Variants in FOCAD observed in about 807,000 individuals in gnomAD.
The protein encoded by FOCAD is focadhesin, also known as KIAA1797.
FOCAD carries 198 observed loss-of-function variants against 225.6 expected under a neutral mutation model. The ratio of observed to expected loss-of-function variants is 0.88; its 90% CI spans 0.78 to 0.99. The LOEUF (loss-of-function observed/expected upper bound fraction) is 0.99. Among genes scored for constraint, FOCAD ranks in the 50% least tolerant of loss-of-function variants. The pLI, the probability that FOCAD is intolerant of heterozygous loss-of-function variation, is 0.00. For missense variants in FOCAD, 2,713 were observed against 2,123.6 expected (o/e 1.28, Z -5.46); for synonymous variants, 897 against 755.0 (o/e 1.19, Z -3.08).
chr9:20,960,073 C>T (rs905404747), intron 35 of FOCAD, among the ~76,000 whole-genome samples: 2 of 152,230 alleles, frequency 1.3e-5, no homozygotes, highest in East Asian at 3.9e-4. Flanking sequence ...AATAGAAAAA[C>T]AATCTCATCT....
At chr9:20,919,027 G>T (rs1834129644) in intron 24 of FOCAD, among the ~76,000 whole-genome samples, 1 of 152,112 alleles carries the variant, frequency 6.6e-6, no homozygotes, top group African/African-American at 2.4e-5. Context: ...GAAGTTAAAT[G>T]CAAAAAGTGA....
intron 1 of FOCAD, among the ~76,000 whole-genome samples, chr9:20,690,688 C>T (rs1269845641): frequency 1.3e-5 from 2 of 152,054 alleles, no homozygotes; most frequent in Non-Finnish European, 2.9e-5. Flanking sequence ...GCTAGGACTG[C>T]AGATATGTGC....
At chr9:20,717,334 A>G (rs1363082652) in intron 2 of FOCAD, among the ~76,000 whole-genome samples, 1 of 152,250 alleles carries the variant, frequency 6.6e-6, no homozygotes, top group Non-Finnish European at 1.5e-5. Context: ...TCCAACCCGT[A>G]CACAGAATGG....
At chr9:20,873,206 A>T (rs990552015) in intron 18 of FOCAD, among the ~76,000 whole-genome samples, 3 of 152,114 alleles carry the variant, frequency 2.0e-5, no homozygotes, top group African/African-American at 7.2e-5. Flanking sequence ...CTCCTAGGCC[A>T]TGTAGTAACT....
chr9:20,744,929 T>C (rs1827925321), intron 5 of FOCAD, among the ~76,000 whole-genome samples: 1 of 152,154 alleles, frequency 6.6e-6, no homozygotes, highest in Non-Finnish European at 1.5e-5. Context: ...CTGATGCAGG[T>C]ACTATTTTCA....
intron 31 of FOCAD, 52 bp downstream of exon 31, chr9:20,948,445 C>G: frequency 1.9e-6 from 3 of 1,581,472 alleles, no homozygotes; most frequent in Non-Finnish European, 2.6e-6. Flanking sequence ...GGAAAAAGAA[C>G]TACTTTATTG....
At chr9:20,981,793 C>A (rs2132630861) in intron 38 of FOCAD, 107 bp downstream of exon 38, 1 of 1,255,524 alleles carries the variant, frequency 8.0e-7, no homozygotes, top group Non-Finnish European at 1.1e-6. Flanking sequence ...GGTGGGAAGG[C>A]TAGCAAGAAA....
At chr9:20,702,117 A>ATTC (rs1318911255) in intron 1 of FOCAD, among the ~76,000 whole-genome samples, 2 of 151,942 alleles carry the variant, frequency 1.3e-5, no homozygotes, top group Admixed American at 1.3e-4. Flanking sequence ...TATTATTATT[A>ATTC]TTAGCTATAG....
intron 3 of FOCAD, 104 bp from the exon 4 acceptor site, chr9:20,720,276 C>A: frequency 9.1e-7 from 1 of 1,101,398 alleles, no homozygotes; most frequent in Non-Finnish European, 1.3e-6. Flanking sequence ...TAAAGGAAAG[C>A]TAGCCTACTG....
At chr9:20,899,832 C>T (rs1019185733) in intron 21 of FOCAD, among the ~76,000 whole-genome samples, 2 of 151,780 alleles carry the variant, frequency 1.3e-5, no homozygotes, top group Non-Finnish European at 2.9e-5. Flanking sequence ...TCCCCTGTTA[C>T]TTTTAGAAGA....
At chr9:20,761,840 A>G (rs1044241396) in intron 6 of FOCAD, among the ~76,000 whole-genome samples, 2 of 152,108 alleles carry the variant, frequency 1.3e-5, no homozygotes, top group African/African-American at 2.4e-5. Flanking sequence ...ACATTTGAAA[A>G]CATTTTAAAT....
intron 19 of FOCAD, among the ~76,000 whole-genome samples, chr9:20,878,794 A>AG (rs1293422784): frequency 6.6e-6 from 1 of 152,188 alleles, no homozygotes; most frequent in African/African-American, 2.4e-5. Flanking sequence ...TCAAGTCCGA[A>AG]GGCTTCAGAA....
At chr9:20,871,324 A>G (rs540613647) in intron 18 of FOCAD, among the ~76,000 whole-genome samples, 4 of 152,258 alleles carry the variant, frequency 2.6e-5, no homozygotes, top group Non-Finnish European at 5.9e-5. Flanking sequence ...GTAGGTTGGC[A>G]CAAAAGTAAT....
At chr9:20,837,521 T>C (rs1291797108) in intron 15 of FOCAD, among the ~76,000 whole-genome samples, 1 of 151,926 alleles carries the variant, frequency 6.6e-6, no homozygotes, top group Non-Finnish European at 1.5e-5. Context: ...AATATACTGG[T>C]TTAAGCTTAT....
At chr9:20,729,216 G>T (rs1826459994) in intron 4 of FOCAD, among the ~76,000 whole-genome samples, 1 of 152,184 alleles carries the variant, frequency 6.6e-6, no homozygotes, top group East Asian at 1.9e-4. Context: ...GGTGTCAGCA[G>T]GACTGATTCC....
At position 20,953,003 on chromosome 9, in the gene FOCAD, A is replaced by G. The variant is rs995594020; in HGVS notation, c.4070A>G (p.Tyr1357Cys). Residue 1357 changes from tyrosine (Y) to cysteine (C), a missense_variant, in exon 35 of 44, where the codon TAC becomes TGC. Tyr to Cys is a radical substitution (Grantham distance 194). Coordinates refer to ENST00000338382, the MANE Select transcript of FOCAD (RefSeq NM_001375567.1). ...TCCACAGTTCCTACTGACTATAGCTACTTGCCTGAAAGCAGTTTTATTGGA... is the reference window on the plus strand; with the variant it reads ...TCCACAGTTCCTACTGACTATAGCTGCTTGCCTGAAAGCAGTTTTATTGGA... Reference protein sequence around the residue: ...SRASVPTDYSYLPESSFIGAA... With the variant: ...SRASVPTDYSCLPESSFIGAA... 1.1e-5 allele frequency: 18 copies of G among 1,613,464 alleles called. No individual in the cohort carries two copies. The highest frequency in any genetic ancestry group is 1.5e-5 in the Non-Finnish European group (18 of 1,179,746).
chr9:20,907,518 C>G (rs1329755756), intron 22 of FOCAD, among the ~76,000 whole-genome samples: 1 of 151,978 alleles, frequency 6.6e-6, no homozygotes, highest in Admixed American at 6.6e-5. Context: ...CTTGGCTGCC[C>G]CACAGCACCT....
intron 35 of FOCAD, among the ~76,000 whole-genome samples, chr9:20,975,651 G>C (rs1840165588): frequency 6.6e-6 from 1 of 152,216 alleles, no homozygotes; most frequent in Non-Finnish European, 1.5e-5. Flanking sequence ...AGACAAGAGT[G>C]TGCAGAGGAC....
At chr9:20,771,734 GAC>G (rs1483915925) in intron 8 of FOCAD, among the ~76,000 whole-genome samples, 1 of 152,168 alleles carries the variant, frequency 6.6e-6, no homozygotes, top group Non-Finnish European at 1.5e-5. Flanking sequence ...CAGCCTGGGC[GAC>G]ACAGCAGGAC....
Sources: gnomAD v4.1 joint callset for allele counts (sites outside exome capture counted in the v4.1 genomes callset) on GRCh38, gnomAD v4.1.1 for gene constraint, MANE v1.5 for transcripts, NCBI Gene and HGNC (gene_info 2026-07-23, HGNC 2026-07-21) for gene names.